The following OPA3 variants were observed in gnomAD, a reference collection of about 807,000 sequenced individuals.
OPA3 encodes optic atrophy 3 protein.
Under a neutral mutation model 4.0 loss-of-function variants are expected in OPA3, and 6 were observed. The observed-to-expected ratio is 1.51, with a 90% CI of 0.83 to 2.99. The LOEUF is 2.99. OPA3 is among the 30% of genes most tolerant of loss of function. The probability of loss-of-function intolerance (pLI) is 0.00; values close to 1 mark genes in which losing one functional copy is unlikely to be tolerated. For missense variants in OPA3, 235 were observed against 256.2 expected, an observed-to-expected ratio of 0.92 and a Z score of 0.56; for synonymous variants, 105 against 117.1, an observed-to-expected ratio of 0.90 and a Z score of 0.67.
At chr19:45,580,906 G>A (rs1969845857) in intron 1 of OPA3, among the ~76,000 whole-genome samples, 1 of 152,106 alleles carries the variant, frequency 6.6e-6, no homozygotes, top group South Asian at 2.1e-4. Context: ...ATGAGCCACT[G>A]CGCCCAGCTC....
intron 1 of OPA3, among the ~76,000 whole-genome samples, chr19:45,533,416 G>A (rs574403550): frequency 2.6e-5 from 4 of 152,022 alleles, no homozygotes; most frequent in Admixed American, 1.3e-4. Flanking sequence ...GAATGGTCTC[G>A]ATTTCCTGAC....
At chr19:45,569,413 C>CT (rs1568407758) in intron 1 of OPA3, among the ~76,000 whole-genome samples, 1 of 152,080 alleles carries the variant, frequency 6.6e-6, no homozygotes, top group African/African-American at 2.4e-5. Flanking sequence ...GAGCCGAGAT[C>CT]GCGCCACTGC....
chr19:45,533,875 G>A (rs749976195), intron 1 of OPA3, among the ~76,000 whole-genome samples: 1 of 152,316 alleles, frequency 6.6e-6, no homozygotes, highest in Non-Finnish European at 1.5e-5. Context: ...TTAAGCAGTG[G>A]GCAGGTTGTT....
downstream of OPA3, among the ~76,000 whole-genome samples, chr19:45,542,990 CTTATT>C (rs1022079386): frequency 2.6e-5 from 4 of 151,178 alleles, no homozygotes; most frequent in African/African-American, 7.3e-5. Context: ...ACTGTTTTGT[CTTATT>C]TTGTTTGTTT....
intron 1 of OPA3, among the ~76,000 whole-genome samples, chr19:45,541,016 T>G (rs185776101): frequency 6.6e-6 from 1 of 152,110 alleles, no homozygotes; most frequent in Non-Finnish European, 1.5e-5. Flanking sequence ...CTCTGTTGCA[T>G]TGGGGAAGCG....
At chr19:45,569,874 C>T (rs1969635869) in intron 1 of OPA3, among the ~76,000 whole-genome samples, 1 of 152,142 alleles carries the variant, frequency 6.6e-6, no homozygotes, top group Non-Finnish European at 1.5e-5. Flanking sequence ...CACCACTGAG[C>T]CACCAAACCA....
intron 1 of OPA3, among the ~76,000 whole-genome samples, chr19:45,580,288 C>A (rs973222600): frequency 2.7e-5 from 4 of 146,446 alleles, no homozygotes; most frequent in African/African-American, 1.0e-4. Flanking sequence ...GCCACTGCAC[C>A]CGGCCTTTTT....
intron 1 of OPA3, among the ~76,000 whole-genome samples, chr19:45,572,598 G>GATATATATC (rs1420983395): frequency 1.1e-5 from 1 of 94,082 alleles, no homozygotes; most frequent in South Asian, 3.8e-4. Context: ...TATATATATT[G>GATATATATC]ATATATATCA....
chr19:45,538,677 T>G (rs1969149348), intron 1 of OPA3, among the ~76,000 whole-genome samples: 1 of 150,808 alleles, frequency 6.6e-6, no homozygotes, highest in Non-Finnish European at 1.5e-5. Context: ...GAGCCAAAAT[T>G]GTGCCATTGC....
chr19:45,555,494 A>ATTT (rs34052901), intron 1 of OPA3, among the ~76,000 whole-genome samples: 21 of 142,928 alleles, frequency 1.5e-4, no homozygotes, highest in African/African-American at 4.7e-4. Flanking sequence ...CCTGGCTAAT[A>ATTT]TTTTTTTTTT....
intron 1 of OPA3, among the ~76,000 whole-genome samples, chr19:45,570,298 C>T (rs73570911): frequency 0.13 from 19,861 of 152,174 alleles, 1,681 homozygotes; most frequent in East Asian, 0.24. Flanking sequence ...AAAGGAGCAG[C>T]GAGATTAAAC....
chr19:45,533,812 C>T (rs1187959926), intron 1 of OPA3, among the ~76,000 whole-genome samples: 1 of 152,198 alleles, frequency 6.6e-6, no homozygotes, highest in Non-Finnish European at 1.5e-5. Context: ...ACAAGCGGCT[C>T]CGTCCTGGGC....
chr19:45,563,850 G>A (rs1011211161), intron 1 of OPA3, among the ~76,000 whole-genome samples: 7 of 150,490 alleles, frequency 4.7e-5, no homozygotes, highest in East Asian at 1.9e-4. Flanking sequence ...CACCGCGCCC[G>A]GCCTTTTTTT....
intron 1 of OPA3, among the ~76,000 whole-genome samples, chr19:45,576,969 G>T (rs1386900782): frequency 6.6e-6 from 1 of 152,164 alleles, no homozygotes; most frequent in Non-Finnish European, 1.5e-5. Flanking sequence ...ACCAGAAAAA[G>T]GACCAGTGCG....
chr19:45,554,084 C>T (rs1969385850), intron 1 of OPA3, among the ~76,000 whole-genome samples, 173 bp from the exon 2 acceptor site: 1 of 152,142 alleles, frequency 6.6e-6, no homozygotes, highest in African/African-American at 2.4e-5. Flanking sequence ...GGGAGGTCCT[C>T]GGACTTGAGG....
At chr19:45,573,980 T>G (rs758545442) in intron 1 of OPA3, among the ~76,000 whole-genome samples, 77 of 151,548 alleles carry the variant, frequency 5.1e-4, no homozygotes, top group Non-Finnish European at 7.8e-4. Flanking sequence ...CTGACCAACA[T>G]GGTGAAACCC....
At position 45,553,176 on chromosome 19, in the gene OPA3, G is replaced by A; in HGVS notation, c.*338C>T. 7.7e-7 allele frequency: 1 copy of A among 1,294,408 alleles called. No homozygotes were observed. The highest frequency in any genetic ancestry group is 3.7e-5 in the East Asian group (1 of 27,282). 80.2% of individuals were successfully genotyped at this position (1,294,408 alleles called of 1,614,324 possible). A position where few individuals can be genotyped will look rare whatever the true frequency, so the allele number is the denominator to read the frequency against. On this transcript the variant is annotated 3_prime_UTR_variant, in exon 2 of 2. Coordinates refer to ENST00000263275, the MANE Select transcript of OPA3 (RefSeq NM_025136.4). Reference sequence around the variant, plus strand: ...CACTGATCAGGTAAACCGGGGGTGGGGGTAACAATAACACATTGATTCAGC... The same window carrying A: ...CACTGATCAGGTAAACCGGGGGTGGAGGTAACAATAACACATTGATTCAGC...
At chr19:45,582,599 A>G (rs2122524315) in intron 1 of OPA3, among the ~76,000 whole-genome samples, 1 of 152,266 alleles carries the variant, frequency 6.6e-6, no homozygotes, top group East Asian at 1.9e-4. Context: ...CCAGTGAGCC[A>G]GGAGTGCTGA....
At chr19:45,579,819 C>A (rs1158919691) in intron 1 of OPA3, among the ~76,000 whole-genome samples, 1 of 152,024 alleles carries the variant, frequency 6.6e-6, no homozygotes, top group African/African-American at 2.4e-5. Flanking sequence ...GAAGGTGCTG[C>A]AGACAAGCCG....
Sources: allele counts gnomAD v4.1 joint callset (sites outside exome capture counted in the v4.1 genomes callset), GRCh38; gene constraint gnomAD v4.1.1; transcripts MANE v1.5; gene names NCBI Gene and HGNC (gene_info 2026-07-23, HGNC 2026-07-21).